Variants in IFNLR1 observed in about 807,000 individuals in gnomAD.
The protein encoded by IFNLR1 is interferon lambda receptor 1.
IFNLR1 carries 28 observed loss-of-function variants against 52.5 expected under a neutral mutation model. The ratio of observed to expected loss-of-function variants is 0.53; its 90% CI spans 0.40 to 0.73. The LOEUF (loss-of-function observed/expected upper bound fraction) is 0.73, where lower values mean the gene tolerates loss of function less well. IFNLR1 is among the 30% of genes least tolerant of loss of function. The pLI, the probability that IFNLR1 is intolerant of heterozygous loss-of-function variation, is 0.00. For missense variants in IFNLR1, 623 were observed against 659.1 expected (o/e 0.95, Z 0.60); for synonymous variants, 276 against 274.9 (o/e 1.00, Z -0.04).
intron 3 of IFNLR1, among the ~76,000 whole-genome samples, chr1:24,162,826 C>CTT (rs776065033): frequency 2.0e-5 from 1 of 50,998 alleles, no homozygotes; most frequent in Non-Finnish European, 4.0e-5. Context: ...TTTCTTCTTT[C>CTT]TTTCTTTTCT....
intron 3 of IFNLR1, among the ~76,000 whole-genome samples, chr1:24,165,980 T>G (rs1427406137): frequency 6.6e-6 from 1 of 152,172 alleles, no homozygotes. Flanking sequence ...CACCCTGGCT[T>G]GGGATGTGGG....
At position 24,157,677 on chromosome 1, in the gene IFNLR1, C is replaced by G. The variant is rs1644397262; in HGVS notation, c.1016G>C (p.Ser339Thr). 2 of 1,612,964 alleles carry G rather than the reference C, an allele frequency of 1.2e-6. No homozygotes were observed. Among genetic ancestry groups the G allele is most frequent in the East Asian group, 4.5e-5 (2 of 44,874 alleles). Residue 339 changes from serine to threonine, a missense_variant, in exon 7 of 7, where the codon AGC becomes ACC. Physicochemically the swap from Ser to Thr is moderately conservative, Grantham distance 58. Transcript: ENST00000327535. This position sits in a 1 kb window ranked among gnomAD's most constrained non-coding sequence, Gnocchi z 5.1. ...AGGTGGTTCAATGTAGGGCTGGAAGCTGACGCCATCTTCTGTGTCCTCCTC... is the reference window on the plus strand; with the variant it reads ...AGGTGGTTCAATGTAGGGCTGGAAGGTGACGCCATCTTCTGTGTCCTCCTC... ...EDEEDTEDGV[S>T]FQPYIEPPSF...
intron 2 of IFNLR1, among the ~76,000 whole-genome samples, chr1:24,170,123 C>G (rs181883765): frequency 3.3e-5 from 5 of 152,158 alleles, no homozygotes; most frequent in Admixed American, 6.5e-5. Context: ...TTCCGCTATG[C>G]GAAGACGCAG....
intron 3 of IFNLR1, among the ~76,000 whole-genome samples, chr1:24,167,463 C>A (rs1244933100): frequency 6.6e-6 from 1 of 151,904 alleles, no homozygotes; most frequent in Non-Finnish European, 1.5e-5. Flanking sequence ...CAGCTCACTG[C>A]AACCTCTGCT....
Position 24,157,889 on chromosome 1 carries a change from G to A in IFNLR1, c.804C>T (p.Asp268=), listed in dbSNP as rs1644400522. Reference sequence around the variant, plus strand: ...CCACAGGGTGTGTGTGTCCAGAAAAGTCCTGATTTGGGTAGGGGAGAGAAA... The same window carrying A: ...CCACAGGGTGTGTGTGTCCAGAAAAATCCTGATTTGGGTAGGGGAGAGAAA... ...FQRAKMPRAL[D]FSGHTHPVAT... Residue 268 remains aspartate (D), a splice_region_variant and synonymous_variant, in exon 7 of 7, where the codon GAC becomes GAT. Coordinates refer to ENST00000327535, the MANE Select transcript of IFNLR1 (RefSeq NM_170743.4). The surrounding 1 kb of genome is among the most constrained non-coding windows in gnomAD (Gnocchi z 5.1). The A allele has an allele frequency of 6.4e-7, 1 of 1,565,992 alleles. No homozygotes were observed. The highest frequency in any genetic ancestry group is 2.3e-5 in the East Asian group (1 of 44,344).
At chr1:24,179,764 C>A (rs1301139034) in intron 2 of IFNLR1, among the ~76,000 whole-genome samples, 1 of 152,174 alleles carries the variant, frequency 6.6e-6, no homozygotes. Flanking sequence ...AGCACTTGGC[C>A]TGGCACAGGA....
intron 3 of IFNLR1, among the ~76,000 whole-genome samples, chr1:24,162,880 C>T (rs375556127): frequency 0.07 from 1,387 of 19,706 alleles, 59 homozygotes; most frequent in African/African-American, 0.11. Flanking sequence ...TCTTTCTTTC[C>T]TTCCTTCCTT....
chr1:24,162,126 G>A (rs1183264248), intron 3 of IFNLR1, among the ~76,000 whole-genome samples: 1 of 152,224 alleles, frequency 6.6e-6, no homozygotes, highest in Admixed American at 6.5e-5. Flanking sequence ...GGCTCAGCTG[G>A]TTCCTCCGCT....
Position 24,161,703 on chromosome 1 carries a change from A to T in IFNLR1, c.368-19T>A. On this transcript the variant is annotated intron_variant, in intron 3 of 6. Transcript: ENST00000327535. ...GGCTCCACTGCAGAAACAGAGCAGG[A>T]CCTGTCAGTAATCCCGAGGGGCCGC... 6.8e-7 allele frequency: 1 copy of T among 1,466,442 alleles called. No individual in the cohort carries two copies. Among genetic ancestry groups the T allele is most frequent in the Non-Finnish European group, 9.1e-7 (1 of 1,103,700 alleles). 90.8% of individuals were successfully genotyped at this position (1,466,442 alleles called of 1,614,324 possible).
rs115512035 is a variant in IFNLR1 at position 24,166,589 on chromosome 1, G to A, written c.367+2828C>T. 8.0e-3 allele frequency among the ~76,000 whole-genome samples: 1,218 copies of A among 151,988 alleles called. 14 individuals carry two copies. Among genetic ancestry groups the A allele is most frequent in the African/African-American group, 0.027 (1,126 of 41,442 alleles). On this transcript the variant is annotated intron_variant, in intron 3 of 6. Transcript: ENST00000327535. ...TAAGACAGGGTGTTGCTCTGTCACC[G>A]AGGCTGGAATTCAATGGAACAATCA...
intron 3 of IFNLR1, among the ~76,000 whole-genome samples, chr1:24,166,815 G>A (rs1025184242): frequency 6.6e-6 from 1 of 151,892 alleles, no homozygotes; most frequent in Admixed American, 6.6e-5. Context: ...ATCCTCAAAG[G>A]ATCTTCCCAC....
intron 2 of IFNLR1, among the ~76,000 whole-genome samples, chr1:24,172,777 C>G (rs1644594156): frequency 6.6e-6 from 1 of 152,146 alleles, no homozygotes; most frequent in Non-Finnish European, 1.5e-5. Flanking sequence ...GCTTCAGCAA[C>G]AGAAATCTGG....
chr1:24,166,533 C>CCTTTT (rs1644521838), intron 3 of IFNLR1, among the ~76,000 whole-genome samples: 3 of 152,090 alleles, frequency 2.0e-5, no homozygotes, highest in African/African-American at 7.2e-5. Context: ...TTTTCTTCTG[C>CCTTTT]CTTCTGTGAT....
rs1557640036 is a variant in IFNLR1 at position 24,157,415 on chromosome 1, T to A, written c.1278A>T (p.Pro426=). ...PGGDGHQESL[P]PPEFSKDSGF... ...CCGAGTCCTTGGAGAATTCAGGTGG[T>A]GGGAGAGATTCTTGGTGCCCATCCC... is the stretch of plus-strand genomic sequence containing the variant. The change falls in exon 7 of 7, where the codon CCA becomes CCT. Residue 426 remains proline (P), a synonymous_variant. Coordinates refer to ENST00000327535, the MANE Select transcript of IFNLR1 (RefSeq NM_170743.4). The surrounding 1 kb of genome is among the most constrained non-coding windows in gnomAD (Gnocchi z 5.1). 2 of 1,614,064 alleles carry A rather than the reference T, an allele frequency of 1.2e-6. No homozygotes were observed. Among genetic ancestry groups the A allele is most frequent in the Non-Finnish European group, 1.7e-6 (2 of 1,180,002 alleles).
chr1:24,159,724 GTGTTTTTTTTT>G (rs1239672116), intron 4 of IFNLR1, 91 bp from the exon 5 acceptor site: 17 of 774,180 alleles, frequency 2.2e-5, no homozygotes, highest in Admixed American at 5.8e-5. Flanking sequence ...ACATGGTAGG[GTGTTTTTTTTT>G]TGTTTTTTTT....
chr1:24,166,446 C>T (rs1313504182), intron 3 of IFNLR1, among the ~76,000 whole-genome samples: 1 of 152,110 alleles, frequency 6.6e-6, no homozygotes, highest in Non-Finnish European at 1.5e-5. Flanking sequence ...TCCTTCGCTC[C>T]AGCCCTTCCT....
intron 4 of IFNLR1, among the ~76,000 whole-genome samples, chr1:24,160,827 G>T (rs573823901): frequency 2.7e-4 from 41 of 151,782 alleles, no homozygotes; most frequent in Non-Finnish European, 4.4e-4. Context: ...TCCTGGGCTC[G>T]AGCGATCCTC....
chr1:24,172,080 C>T lies in IFNLR1; in HGVS notation c.183-2479G>A, dbSNP rs72650406. Among the ~76,000 whole-genome samples the T allele has an allele frequency of 8.2e-3, 1,244 of 152,292 alleles. 15 individuals are homozygous for T. The highest frequency in any genetic ancestry group is 0.027 in the East Asian group (140 of 5,184). On this transcript the variant is annotated intron_variant, in intron 2 of 6. Transcript: ENST00000327535. ...TCAGCCTCCCTAAGTGCTGTGATTA[C>T]AGATGTGAGTCACCACACCTGGCCT... is the stretch of plus-strand genomic sequence containing the variant.
chr1:24,180,948 G>A lies in IFNLR1; in HGVS notation c.59-94C>T. ...GAGGGGCAGCACGAAGGGCAAGCAG[G>A]TGCTCACTGAGTTTGAGGAACCAGG... is the stretch of plus-strand genomic sequence containing the variant. On this transcript the variant is annotated intron_variant, in intron 1 of 6. Transcript: ENST00000327535. The A allele has an allele frequency of 2.3e-6, 3 of 1,307,312 alleles. No individual in the cohort carries two copies. The South Asian group carries it at 4.2e-5, about 18-fold the overall frequency. 81.0% of individuals were successfully genotyped at this position (1,307,312 alleles called of 1,614,324 possible). A position where few individuals can be genotyped will look rare whatever the true frequency, so the allele number is the denominator to read the frequency against.
Sources: allele counts gnomAD v4.1 joint callset (sites outside exome capture counted in the v4.1 genomes callset), GRCh38; gene constraint gnomAD v4.1.1; non-coding constraint Gnocchi (gnomAD v3.1); transcripts MANE v1.5; gene names NCBI Gene and HGNC (gene_info 2026-07-23, HGNC 2026-07-21).